The following CTBP2 variants were observed in gnomAD, a reference collection of about 807,000 sequenced individuals.
The protein encoded by CTBP2 is C-terminal-binding protein 2.
CTBP2 carries 30 observed loss-of-function variants against 80.3 expected under a neutral mutation model. The observed-to-expected ratio is 0.37, with a 90% CI of 0.28 to 0.51. The LOEUF (loss-of-function observed/expected upper bound fraction) is 0.51. CTBP2 is among the 20% of genes least tolerant of loss of function. The pLI, the probability that CTBP2 is intolerant of heterozygous loss-of-function variation, is 0.93. For synonymous variants in CTBP2, 594 were observed against 587.4 expected, an observed-to-expected ratio of 1.01 and a Z score of -0.16; for missense variants, 1,212 against 1,375.3, an observed-to-expected ratio of 0.88 and a Z score of 1.88.
chr10:125,121,587 T>C (rs1211178535), intron 1 of CTBP2, among the ~76,000 whole-genome samples: 1 of 152,162 alleles, frequency 6.6e-6, no homozygotes. Flanking sequence ...GAAAATAGCA[T>C]ATGAAGAAAC....
At chr10:125,104,731 T>C (rs551993492) in intron 2 of CTBP2, among the ~76,000 whole-genome samples, 2 of 152,326 alleles carry the variant, frequency 1.3e-5, no homozygotes, top group Non-Finnish European at 2.9e-5. Flanking sequence ...AAAGAATGAA[T>C]TGCAAAAGCA....
intron 1 of CTBP2, among the ~76,000 whole-genome samples, chr10:125,115,146 A>G (rs1853015337): frequency 6.6e-6 from 1 of 151,238 alleles, no homozygotes; most frequent in Non-Finnish European, 1.5e-5. Context: ...CCAGCCAGAG[A>G]GCAGAACTTC....
chr10:125,086,563 C>T (rs1203519193), intron 2 of CTBP2, among the ~76,000 whole-genome samples: 10 of 143,324 alleles, frequency 7.0e-5, no homozygotes, highest in Non-Finnish European at 1.2e-4. Flanking sequence ...TGCGGTGAGC[C>T]GAGATCACAC....
intron 2 of CTBP2, among the ~76,000 whole-genome samples, chr10:125,084,837 GC>G (rs888416584): frequency 1.3e-5 from 2 of 151,874 alleles, no homozygotes; most frequent in African/African-American, 2.4e-5. Flanking sequence ...CTCCACTGCT[GC>G]CCCAAGTCTG....
At chr10:125,025,428 T>A (rs1451717038) in intron 1 of CTBP2, among the ~76,000 whole-genome samples, 2 of 152,166 alleles carry the variant, frequency 1.3e-5, no homozygotes, top group Non-Finnish European at 2.9e-5. Flanking sequence ...TGGAAATATA[T>A]CCTTCCCTTC....
chr10:125,066,005 G>GA lies in CTBP2; in HGVS notation c.-101-26851_-101-26850insT, dbSNP rs2135401340. On this transcript the variant is annotated intron_variant, in intron 2 of 10. Transcript: ENST00000337195. This position sits in a 1 kb window ranked among gnomAD's most constrained non-coding sequence, Gnocchi z 4.1. ...AATCCCAGCTACCCAGGTGGCTGAG[G>GA]TGGGAGGATCGCTTGAGCCCAGAAG... is the stretch of plus-strand genomic sequence containing the variant. Among the ~76,000 whole-genome samples, 1 of 152,046 alleles carries GA rather than the reference G, an allele frequency of 6.6e-6. No homozygotes were observed. Among genetic ancestry groups the GA allele is most frequent in the Admixed American group, 6.5e-5 (1 of 15,282 alleles).
At chr10:125,117,134 C>G (rs533049239) in intron 1 of CTBP2, among the ~76,000 whole-genome samples, 1 of 152,196 alleles carries the variant, frequency 6.6e-6, no homozygotes, top group Non-Finnish European at 1.5e-5. Flanking sequence ...GGCGACATCC[C>G]GCTCCCTGGC....
In CTBP2 at chr10:125,027,711, C is replaced by G. The variant is rs745490573; in HGVS notation, c.49G>C (p.Asp17His). The G allele has an allele frequency of 2.5e-6, 4 of 1,612,180 alleles. No individual in the cohort carries two copies. Among genetic ancestry groups the G allele is most frequent in the Non-Finnish European group, 3.4e-6 (4 of 1,178,928 alleles). Residue 17 changes from aspartate to histidine, a missense_variant, in exon 1 of 9, where the codon GAT becomes CAT. Around this residue, in one of 3 missense-constraint regions of CTBP2, gnomAD observed 848 missense variants for 782.3 expected, o/e 1.08. Transcript: ENST00000309035. The stretch of plus-strand genomic sequence containing the variant: ...GGGCCCTCGTACCACCCAGCAGCAT[C>G]CCAGCTCTGAGAACGACCAATATTT...
chr10:125,019,788 A>G (rs1956866390), intron 1 of CTBP2, among the ~76,000 whole-genome samples: 1 of 152,254 alleles, frequency 6.6e-6, no homozygotes, highest in South Asian at 2.1e-4. Context: ...GCATAAGCAA[A>G]TACGTAAGAC....
intron 7 of CTBP2, 67 bp downstream of exon 9, chr10:124,993,135 G>A: frequency 1.3e-6 from 2 of 1,539,216 alleles, no homozygotes; most frequent in South Asian, 1.2e-5. Flanking sequence ...TAGCCAGCAG[G>A]ACAGGAGCCG....
intron 1 of CTBP2, among the ~76,000 whole-genome samples, chr10:125,009,963 C>T (rs1285584613): frequency 2.0e-5 from 3 of 152,154 alleles, no homozygotes; most frequent in Admixed American, 1.3e-4. Flanking sequence ...TAAACAACAA[C>T]AAATGTTCTG....
intron 1 of CTBP2, chr10:125,158,507 A>G (rs1861333158): frequency 6.6e-6 from 1 of 152,238 alleles, no homozygotes; most frequent in African/African-American, 2.4e-5. Context: ...TAAATTCCCA[A>G]TGCATATTTA....
chr10:124,990,541 T>C (rs1183709623), intron 8 of CTBP2, among the ~76,000 whole-genome samples: 1 of 152,196 alleles, frequency 6.6e-6, no homozygotes, highest in Non-Finnish European at 1.5e-5. Flanking sequence ...CATTATACTA[T>C]TTAAAAAAAC....
intron 2 of CTBP2, among the ~76,000 whole-genome samples, chr10:125,073,333 G>T (rs1845798074): frequency 6.6e-6 from 1 of 152,144 alleles, no homozygotes; most frequent in South Asian, 2.1e-4. Context: ...GAGTTCAATT[G>T]ACCAGGTTCA....
chr10:125,003,556 G>T lies in CTBP2; in HGVS notation c.1679-64C>A, dbSNP rs552527687. The T allele has an allele frequency of 2.3e-4, 303 of 1,329,234 alleles. No individual in the cohort carries two copies. In the African/African-American group the frequency reaches 4.0e-3, roughly 18 times the overall value. 82.3% of individuals were successfully genotyped at this position (1,329,234 alleles called of 1,614,324 possible). On this transcript the variant is annotated intron_variant, in intron 1 of 8. Coordinates refer to ENST00000309035, the MANE Select transcript of CTBP2 (RefSeq NM_022802.3). The stretch of plus-strand genomic sequence containing the variant: ...CTGGGGCCACAGGGTGCGTGGAGGG[G>T]CAGCTCCCCACTCATCACTCAGGGC...
Position 124,986,986 on chromosome 10 carries a change from A to AATC in CTBP2, c.*2529_*2531dup, listed in dbSNP as rs1469339312. 2 of 150,308 alleles carry AATC rather than the reference A, an allele frequency of 1.3e-5. No individual in the cohort carries two copies. Among genetic ancestry groups the AATC allele is most frequent in the African/African-American group, 5.1e-5 (2 of 39,368 alleles). The allele number at this position is 150,308 out of a possible 1,614,324, so 9.3% of individuals were successfully genotyped here. On this transcript the variant is annotated 3_prime_UTR_variant, in exon 9 of 9. Coordinates refer to ENST00000309035, the MANE Select transcript of CTBP2 (RefSeq NM_022802.3). ...CTCTATTATTTATTTATTTATTATCAATCAGTGACCCTGACCACATAGTGT... is the reference window on the plus strand; with the variant it reads ...CTCTATTATTTATTTATTTATTATCAATCATCAGTGACCCTGACCACATAGTGT...
intron 2 of CTBP2, among the ~76,000 whole-genome samples, chr10:125,064,701 C>T (rs913837314): frequency 2.0e-5 from 3 of 152,158 alleles, no homozygotes; most frequent in Non-Finnish European, 4.4e-5. Context: ...GGTGACTATC[C>T]ACCCAGGAGA....
At chr10:125,150,361 A>G (rs1282616727) in intron 1 of CTBP2, among the ~76,000 whole-genome samples, 1 of 152,232 alleles carries the variant, frequency 6.6e-6, no homozygotes, top group Non-Finnish European at 1.5e-5. Flanking sequence ...ACATAACCCC[A>G]GGAGAGTGTG....
chr10:125,043,658 G>A (rs1413681194), intron 2 of CTBP2, among the ~76,000 whole-genome samples: 1 of 151,994 alleles, frequency 6.6e-6, no homozygotes, highest in Admixed American at 6.6e-5. Flanking sequence ...GGATGGTCTC[G>A]ATCTCCTGAC....
Sources: allele counts gnomAD v4.1 joint callset (sites outside exome capture counted in the v4.1 genomes callset), GRCh38; gene constraint gnomAD v4.1.1; regional missense constraint gnomAD v4.1.1; non-coding constraint Gnocchi (gnomAD v3.1); transcripts MANE v1.5; gene names NCBI Gene and HGNC (gene_info 2026-07-23, HGNC 2026-07-21).